Variants in KCMF1 observed in about 807,000 individuals in gnomAD.
KCMF1 encodes E3 ubiquitin-protein ligase KCMF1.
In KCMF1, 3 loss-of-function variants were observed where a neutral mutation model predicts 41.1. The ratio of observed to expected loss-of-function variants is 0.07; its 90% CI spans 0.03 to 0.19. KCMF1 has a LOEUF of 0.19. Ranked by LOEUF, KCMF1 falls within the 10% of genes least tolerant of loss-of-function variation. KCMF1 has a pLI of 1.00. For missense variants in KCMF1, 286 were observed against 488.9 expected, an observed-to-expected ratio of 0.58 and a Z score of 3.91; for synonymous variants, 142 against 164.5, an observed-to-expected ratio of 0.86 and a Z score of 1.04.
chr2:84,973,703 A>G (rs1384798491), intron 1 of KCMF1, among the ~76,000 whole-genome samples: 3 of 151,966 alleles, frequency 2.0e-5, no homozygotes, highest in Non-Finnish European at 4.4e-5. Context: ...ACTTTGACCT[A>G]TCAGTAAATA....
chr2:85,013,670 C>G (rs1202506980), intron 1 of KCMF1, among the ~76,000 whole-genome samples: 2 of 151,890 alleles, frequency 1.3e-5, no homozygotes. Flanking sequence ...TGGTGGCACG[C>G]ACTTGTAATC....
intron 1 of KCMF1, among the ~76,000 whole-genome samples, chr2:85,000,495 A>G (rs1674301811): frequency 6.6e-6 from 1 of 152,112 alleles, no homozygotes; most frequent in Non-Finnish European, 1.5e-5. Context: ...GTAATTTGAT[A>G]ATGTTTGGAA....
intron 2 of KCMF1, among the ~76,000 whole-genome samples, chr2:85,032,340 TTTTTTA>T (rs1410217909): frequency 1.3e-5 from 2 of 151,662 alleles, no homozygotes; most frequent in Non-Finnish European, 2.9e-5. Flanking sequence ...TCTGGCTAAT[TTTTTTA>T]TTTTTATTTT....
rs562388111 is a variant in KCMF1 at position 85,055,267 on chromosome 2, T to A, written c.*1858T>A. 4 of 152,358 alleles carry A rather than the reference T, an allele frequency of 2.6e-5. No individual in the cohort carries two copies. The East Asian group carries it at 7.7e-4, about 29-fold the overall frequency. The allele number at this position is 152,358 out of a possible 1,614,324, so 9.4% of individuals were successfully genotyped here. ...GTTGACCACTTGAATTTCTTTGGTG[T>A]TAGTGGATTAACCTAACCATTACTC... On this transcript the variant is annotated 3_prime_UTR_variant, in exon 7 of 7. Coordinates refer to ENST00000409785, the MANE Select transcript of KCMF1 (RefSeq NM_020122.5).
At chr2:85,026,970 A>C (rs990917068) in intron 1 of KCMF1, among the ~76,000 whole-genome samples, 7 of 152,156 alleles carry the variant, frequency 4.6e-5, no homozygotes, top group South Asian at 2.1e-4. Context: ...TATCAATTCT[A>C]ATTTAAGACC....
intron 1 of KCMF1, among the ~76,000 whole-genome samples, chr2:84,985,054 C>A (rs1673867184): frequency 6.6e-6 from 1 of 151,672 alleles, no homozygotes; most frequent in African/African-American, 2.4e-5. Flanking sequence ...AAGGAAAAGC[C>A]ATAGTTAAAT....
chr2:85,002,715 A>G (rs576797814), intron 1 of KCMF1, among the ~76,000 whole-genome samples: 1 of 151,870 alleles, frequency 6.6e-6, no homozygotes, highest in Admixed American at 6.6e-5. Context: ...CAGAGAACTG[A>G]GTGTACTGCC....
At chr2:85,024,061 T>C (rs1318214432) in intron 1 of KCMF1, among the ~76,000 whole-genome samples, 3 of 152,226 alleles carry the variant, frequency 2.0e-5, no homozygotes, top group Non-Finnish European at 4.4e-5. Flanking sequence ...CATTCATCAT[T>C]TACTTACTGA....
At chr2:85,042,129 T>C (rs1675555479) in intron 3 of KCMF1, among the ~76,000 whole-genome samples, 1 of 152,196 alleles carries the variant, frequency 6.6e-6, no homozygotes, top group Admixed American at 6.5e-5. Flanking sequence ...CATTGTGACC[T>C]GTCTAGTTCT....
intron 1 of KCMF1, among the ~76,000 whole-genome samples, chr2:85,007,950 A>T (rs778506437): frequency 5.9e-5 from 9 of 151,860 alleles, no homozygotes; most frequent in South Asian, 4.1e-4. Flanking sequence ...TTTAGTAGAG[A>T]TGGGGTTTCA....
chr2:85,053,410 T>G lies in KCMF1; in HGVS notation c.*1T>G. 2 of 1,610,680 alleles carry G rather than the reference T, an allele frequency of 1.2e-6. No homozygotes were observed. The highest frequency in any genetic ancestry group is 1.7e-6 in the Non-Finnish European group (2 of 1,178,176). On this transcript the variant is annotated 3_prime_UTR_variant, in exon 7 of 7. Coordinates refer to ENST00000409785, the MANE Select transcript of KCMF1 (RefSeq NM_020122.5). ...TGAGCCTCCACCACCTCCTCTTTGA[T>G]GACATCCCAATTCGCAGACAATGTC...
Position 85,057,629 on chromosome 2 carries a change from CTG to C in KCMF1, c.*4223_*4224del, listed in dbSNP as rs1244376408. Reference sequence around the variant, plus strand: ...AATTCCCTGTGCTTATCGGCTTCAACTGTGCTTACACAACGTTTGTTTCTAAT... The same window carrying C: ...AATTCCCTGTGCTTATCGGCTTCAACTGCTTACACAACGTTTGTTTCTAAT... On this transcript the variant is annotated 3_prime_UTR_variant, in exon 7 of 7. Coordinates refer to ENST00000409785, the MANE Select transcript of KCMF1 (RefSeq NM_020122.5). The C allele has an allele frequency of 6.6e-6, 1 of 152,238 alleles. No individual in the cohort carries two copies. Among genetic ancestry groups the C allele is most frequent in the Non-Finnish European group, 1.5e-5 (1 of 68,060 alleles). The allele number at this position is 152,238 out of a possible 1,614,324, so 9.4% of individuals were successfully genotyped here. A position where few individuals can be genotyped will look rare whatever the true frequency, so the allele number is the denominator to read the frequency against.
At chr2:85,035,506 T>C (rs1220574459) in intron 3 of KCMF1, among the ~76,000 whole-genome samples, 1 of 152,250 alleles carries the variant, frequency 6.6e-6, no homozygotes, top group Non-Finnish European at 1.5e-5. Context: ...GCTTAACTTT[T>C]CTTCTACAAG....
At chr2:85,010,626 T>C (rs1257857705) in intron 1 of KCMF1, among the ~76,000 whole-genome samples, 3 of 152,194 alleles carry the variant, frequency 2.0e-5, no homozygotes, top group African/African-American at 7.2e-5. Context: ...TTTAGTTTAA[T>C]TTTAGCAGAT....
At chr2:85,024,609 CGTGT>C (rs1286861410) in intron 1 of KCMF1, among the ~76,000 whole-genome samples, 13 of 148,730 alleles carry the variant, frequency 8.7e-5, no homozygotes, top group Admixed American at 2.7e-4. Context: ...TGTGTGTGCG[CGTGT>C]GTGTGTGAGA....
intron 2 of KCMF1, among the ~76,000 whole-genome samples, chr2:85,033,763 C>G (rs1340913981): frequency 1.3e-5 from 2 of 152,190 alleles, no homozygotes; most frequent in Admixed American, 6.5e-5. Flanking sequence ...GGGGACAAAC[C>G]ATATTCAAAC....
chr2:85,028,532 T>G (rs780141281), intron 2 of KCMF1, among the ~76,000 whole-genome samples: 16 of 105,196 alleles, frequency 1.5e-4, no homozygotes, highest in Non-Finnish European at 2.8e-4. Flanking sequence ...CCCTGTCGCC[T>G]AGGCTGGAGT....
chr2:85,027,366 CTTTTTTT>C (rs934531367), intron 1 of KCMF1, among the ~76,000 whole-genome samples: 1,808 of 65,494 alleles, frequency 0.028, 11 homozygotes, highest in South Asian at 0.061. Context: ...CTTATCAAGG[CTTTTTTT>C]TTTTTTTTTT....
chr2:85,046,018 A>G, intron 4 of KCMF1, 86 bp from the exon 5 acceptor site: 3 of 1,095,422 alleles, frequency 2.7e-6, no homozygotes, highest in Non-Finnish European at 3.9e-6. Context: ...CAATTCAGGA[A>G]ATCTTTACAT....
Sources: gnomAD v4.1 joint callset for allele counts (sites outside exome capture counted in the v4.1 genomes callset) on GRCh38, gnomAD v4.1.1 for gene constraint, MANE v1.5 for transcripts, NCBI Gene and HGNC (gene_info 2026-07-23, HGNC 2026-07-21) for gene names.